The following TPH2 variants were observed in gnomAD, a reference collection of about 807,000 sequenced individuals.
TPH2 encodes tryptophan 5-hydroxylase 2.
Under a neutral mutation model 59.1 loss-of-function variants are expected in TPH2, and 27 were observed. The ratio of observed to expected loss-of-function variants is 0.46; its 90% CI spans 0.34 to 0.63. The LOEUF (loss-of-function observed/expected upper bound fraction) is 0.63. Among genes scored for constraint, TPH2 ranks in the 30% least tolerant of loss-of-function variants. The pLI is 0.01. For synonymous variants in TPH2, 220 were observed against 210.5 expected (o/e 1.05, Z -0.39); for missense variants, 523 against 588.3 (o/e 0.89, Z 1.15).
chr12:72,026,075 T>C (rs1345473507), intron 9 of TPH2, among the ~76,000 whole-genome samples: 1 of 152,176 alleles, frequency 6.6e-6, no homozygotes, highest in African/African-American at 2.4e-5. Context: ...AAATGATTGC[T>C]AGCCAATGAA....
intron 5 of TPH2, among the ~76,000 whole-genome samples, chr12:71,967,962 T>G (rs572943077): frequency 2.1e-4 from 32 of 152,322 alleles, no homozygotes; most frequent in South Asian, 1.0e-3. Flanking sequence ...GATGTGCATG[T>G]GTTTTTTGGG....
chr12:71,950,496 G>A (rs187620059), intron 5 of TPH2, among the ~76,000 whole-genome samples: 20 of 152,286 alleles, frequency 1.3e-4, no homozygotes, highest in Admixed American at 1.2e-3. Flanking sequence ...GACAGGATGT[G>A]TTTGTGACTG....
rs1186731118 is a variant in TPH2 at position 71,983,792 on chromosome 12, A to AGC, written c.941+4706_941+4707insCG. 8.6e-5 allele frequency among the ~76,000 whole-genome samples: 12 copies of AGC among 138,944 alleles called. No homozygotes were observed. In the East Asian group the frequency reaches 2.8e-3, roughly 32 times the overall value. The allele number at this position is 138,944 out of a possible 152,430, so 91.2% of individuals were successfully genotyped here. ...GACACACACAGAGAGAGAGAGACAG[A>AGC]GAGAGAGAGAGAAAGAGAGAGATAG... On this transcript the variant is annotated intron_variant, in intron 7 of 10. Transcript: ENST00000333850.
At chr12:71,973,150 A>C (rs1872020933) in intron 6 of TPH2, among the ~76,000 whole-genome samples, 1 of 152,256 alleles carries the variant, frequency 6.6e-6, no homozygotes, top group South Asian at 2.1e-4. Flanking sequence ...GGCAACTGTC[A>C]GAGACGTTTG....
Position 71,941,669 on chromosome 12 carries a change from C to T in TPH2, c.191C>T (p.Thr64Ile), listed in dbSNP as rs373761659. The change falls in exon 2 of 11, where the codon ACA becomes ATA. Residue 64 changes from threonine (T) to isoleucine (I), a missense_variant. Coordinates refer to ENST00000333850, the MANE Select transcript of TPH2 (RefSeq NM_173353.4). The part of the protein sequence containing the change: ...KREAATESGK[T>I]AVVFSLKNEV... ...GAAGCTGCTACCGAAAGTGGCAAGA[C>T]AGCAGTTGTTTTCTCCTTGAAGAAT... 1.9e-6 allele frequency: 3 copies of T among 1,614,116 alleles called. No homozygotes were observed. Among genetic ancestry groups the T allele is most frequent in the Non-Finnish European group, 2.5e-6 (3 of 1,179,988 alleles).
intron 8 of TPH2, among the ~76,000 whole-genome samples, chr12:72,000,750 C>T (rs141301957): frequency 3.2e-4 from 48 of 152,206 alleles, no homozygotes; most frequent in African/African-American, 1.1e-3. Context: ...TTATTCAAGC[C>T]CTGAAAACAG....
chr12:71,975,776 T>C (rs1420928834), intron 6 of TPH2, among the ~76,000 whole-genome samples: 1 of 152,210 alleles, frequency 6.6e-6, no homozygotes, highest in Non-Finnish European at 1.5e-5. Context: ...GGAAAAGAGA[T>C]TGAGAACTAC....
At chr12:71,940,832 T>C (rs1871037134) in intron 1 of TPH2, among the ~76,000 whole-genome samples, 1 of 152,258 alleles carries the variant, frequency 6.6e-6, no homozygotes, top group Non-Finnish European at 1.5e-5. Flanking sequence ...AATGAAGTGT[T>C]AATCTTTTTC....
intron 5 of TPH2, among the ~76,000 whole-genome samples, chr12:71,968,501 C>T (rs1871879591): frequency 6.6e-6 from 1 of 152,156 alleles, no homozygotes; most frequent in South Asian, 2.1e-4. Flanking sequence ...ACACCATCCT[C>T]CCAGGCCTCC....
At chr12:71,953,251 G>T (rs935863380) in intron 5 of TPH2, among the ~76,000 whole-genome samples, 2 of 151,976 alleles carry the variant, frequency 1.3e-5, no homozygotes, top group Non-Finnish European at 2.9e-5. Context: ...GCCTACCAAA[G>T]GTAGTTAAAT....
At chr12:71,962,613 T>C (rs905461200) in intron 5 of TPH2, 1 of 985,314 alleles carries the variant, frequency 1.0e-6, no homozygotes, top group Non-Finnish European at 1.2e-6. Flanking sequence ...GACAAATACA[T>C]ACCTGCCAGA....
intron 7 of TPH2, among the ~76,000 whole-genome samples, chr12:71,984,155 A>G (rs1014478903): frequency 1.3e-5 from 2 of 152,180 alleles, no homozygotes; most frequent in Non-Finnish European, 2.9e-5. Flanking sequence ...AATGAAATAC[A>G]TTTGTATTAA....
chr12:71,943,153 A>T (rs1043627649), intron 2 of TPH2, among the ~76,000 whole-genome samples: 2 of 152,212 alleles, frequency 1.3e-5, no homozygotes, highest in South Asian at 4.1e-4. Flanking sequence ...AAAAACATGC[A>T]TGATATTATT....
intron 5 of TPH2, among the ~76,000 whole-genome samples, chr12:71,969,665 G>A (rs563328722): frequency 6.6e-6 from 1 of 152,290 alleles, no homozygotes; most frequent in Admixed American, 6.5e-5. Flanking sequence ...TTCTACATAT[G>A]AATACACATA....
rs1871714005 is a variant in TPH2, at chr12:71,962,508, G to A, written c.609-10011G>A. The A allele has an allele frequency of 7.1e-6, 7 of 984,950 alleles. No individual in the cohort carries two copies. In the African/African-American group the frequency reaches 1.0e-4, roughly 15 times the overall value. 61.0% of individuals were successfully genotyped at this position (984,950 alleles called of 1,614,324 possible). On this transcript the variant is annotated intron_variant, in intron 5 of 10. Coordinates refer to ENST00000333850, the MANE Select transcript of TPH2 (RefSeq NM_173353.4). ...AATTAGAAAAAAGAAACCCTTATATGTAAATTGTACATAGGAATAATTGGA... is the reference window on the plus strand; with the variant it reads ...AATTAGAAAAAAGAAACCCTTATATATAAATTGTACATAGGAATAATTGGA...
chr12:72,004,363 A>G (rs1386498), intron 8 of TPH2, among the ~76,000 whole-genome samples: 79,692 of 149,950 alleles, frequency 0.53, 22,955 homozygotes, highest in Middle Eastern at 0.62. Context: ...TGTACATATG[A>G]CATTATCTAT....
rs1873710542 is a variant in TPH2, at chr12:72,031,125, A to G, written c.1165-133A>G. The G allele has an allele frequency of 4.9e-6, 6 of 1,227,988 alleles. No individual in the cohort carries two copies. The East Asian group carries it at 1.2e-4, about 24-fold the overall frequency. 76.1% of individuals were successfully genotyped at this position (1,227,988 alleles called of 1,614,324 possible). A position where few individuals can be genotyped will look rare whatever the true frequency, so the allele number is the denominator to read the frequency against. On this transcript the variant is annotated intron_variant, in intron 9 of 10. Transcript: ENST00000333850. ...TACCCTGCACACAGGAGAGTTCCATATTTCATGACAGACTAGTAACTGAGC... is the reference window on the plus strand; with the variant it reads ...TACCCTGCACACAGGAGAGTTCCATGTTTCATGACAGACTAGTAACTGAGC...
At chr12:71,953,396 A>T (rs565931938) in intron 5 of TPH2, among the ~76,000 whole-genome samples, 1 of 151,982 alleles carries the variant, frequency 6.6e-6, no homozygotes, top group Non-Finnish European at 1.5e-5. Context: ...CCTGTGTGTC[A>T]CTTTTGGGCT....
At chr12:71,946,858 G>C (rs995677097) in intron 4 of TPH2, among the ~76,000 whole-genome samples, 19 of 152,072 alleles carry the variant, frequency 1.2e-4, no homozygotes, top group African/African-American at 3.4e-4. Flanking sequence ...AATCACCTTC[G>C]AGATCATTTT....
Sources: gnomAD v4.1 joint callset for allele counts (sites outside exome capture counted in the v4.1 genomes callset) on GRCh38, gnomAD v4.1.1 for gene constraint, MANE v1.5 for transcripts, NCBI Gene and HGNC (gene_info 2026-07-23, HGNC 2026-07-21) for gene names.